UTS2: variants seen among roughly 807,000 people sequenced by gnomAD.
The protein encoded by UTS2 is urotensin 2, also known as urotensin-2.
A neutral mutation model predicts 12.6 loss-of-function variants in UTS2; 10 were observed. The ratio of observed to expected loss-of-function variants is 0.80; its 90% confidence interval spans 0.49 to 1.35. UTS2 has a LOEUF of 1.35. UTS2 is among the 40% of genes most tolerant of loss of function. UTS2 has a pLI of 0.00. For missense variants in UTS2, 142 were observed against 143.2 expected, an observed-to-expected ratio of 0.99 and a Z score of 0.04; for synonymous variants, 52 against 50.0, an observed-to-expected ratio of 1.04 and a Z score of -0.17.
chr1:7,893,872 CCACACCATCATTCA>C, the UTS2 span, among the ~76,000 whole-genome samples: 2 of 152,140 alleles, frequency 1.3e-5, no homozygotes, highest in Non-Finnish European at 2.9e-5. Context: ...AGGAAAAAAC[CCACACCATCATTCA>C]CTTTAATGCC....
chr1:7,875,058 T>C, the UTS2 span, among the ~76,000 whole-genome samples: 515 of 151,930 alleles, frequency 3.4e-3, 6 homozygotes, highest in African/African-American at 0.012. Context: ...TTTCTTTATT[T>C]TTTTTTTCTT....
At chr1:7,857,782 T>C (rs903308826), upstream of UTS2, among the ~76,000 whole-genome samples, 5 of 147,780 alleles carry the variant, frequency 3.4e-5, no homozygotes, top group Non-Finnish European at 7.4e-5. Flanking sequence ...CCTGGGAGGT[T>C]GAGGTTGCAG....
the UTS2 span, among the ~76,000 whole-genome samples, chr1:7,885,126 C>T: frequency 7.5e-6 from 1 of 133,304 alleles, no homozygotes; most frequent in Non-Finnish European, 1.6e-5. Flanking sequence ...CATCCACCCA[C>T]CTATCATCCA....
chr1:7,889,442 CAAAAAA>C, the UTS2 span, among the ~76,000 whole-genome samples: 2 of 85,402 alleles, frequency 2.3e-5, no homozygotes, highest in African/African-American at 4.4e-5. Context: ...ATCTTATCAC[CAAAAAA>C]AAAAAAAAAA....
the UTS2 span, among the ~76,000 whole-genome samples, chr1:7,910,385 C>T: frequency 6.6e-6 from 1 of 151,878 alleles, no homozygotes; most frequent in African/African-American, 2.4e-5. Flanking sequence ...GGTCCTGCCT[C>T]ACACCCAGAA....
the UTS2 span, among the ~76,000 whole-genome samples, chr1:7,864,044 G>A: frequency 1.3e-5 from 2 of 152,222 alleles, no homozygotes; most frequent in Admixed American, 6.5e-5. Context: ...GTGTCTCGAG[G>A]CACTTCCACC....
At chr1:7,898,677 C>T in the UTS2 span, among the ~76,000 whole-genome samples, 1 of 152,030 alleles carries the variant, frequency 6.6e-6, no homozygotes, top group Non-Finnish European at 1.5e-5. Context: ...CGGGGTTTCA[C>T]TGTGTTAGCC....
chr1:7,853,370 G>A (rs228648), upstream of UTS2: 882,946 of 1,613,688 alleles, frequency 0.55, 245,554 homozygotes, highest in Middle Eastern at 0.7. Context: ...GCAAAGAGAC[G>A]TGGATTTATG....
At chr1:7,853,270 CAGTG>C (rs770550544), upstream of UTS2, 4 of 1,612,712 alleles carry the variant, frequency 2.5e-6, no homozygotes, top group Non-Finnish European at 2.5e-6. Flanking sequence ...ATATAAAGAA[CAGTG>C]AGTTTATAAA....
the UTS2 span, among the ~76,000 whole-genome samples, chr1:7,882,914 A>T: frequency 6.6e-6 from 1 of 152,316 alleles, no homozygotes; most frequent in African/African-American, 2.4e-5. Flanking sequence ...AAAAAAATAA[A>T]TGCAGGTAAG....
the UTS2 span, among the ~76,000 whole-genome samples, chr1:7,875,067 TTTTTTC>T: frequency 2.0e-5 from 3 of 150,030 alleles, no homozygotes; most frequent in South Asian, 4.2e-4. Context: ...TTTTTTTTTC[TTTTTTC>T]TTTTTCTTTT....
At chr1:7,849,802 CA>C (rs1164644616) in intron 2 of UTS2, 119 bp from the exon 3 acceptor site, 24 of 853,300 alleles carry the variant, frequency 2.8e-5, no homozygotes, top group Non-Finnish European at 3.8e-5. Context: ...TTCCACACTG[CA>C]GCAAGCTTTT....
At chr1:7,904,363 G>A in the UTS2 span, among the ~76,000 whole-genome samples, 4 of 151,636 alleles carry the variant, frequency 2.6e-5, no homozygotes, top group African/African-American at 9.7e-5. Context: ...TGTAGTCTCA[G>A]CTATTTGGGA....
At chr1:7,868,097 T>C in the UTS2 span, among the ~76,000 whole-genome samples, 2 of 148,738 alleles carry the variant, frequency 1.3e-5, no homozygotes, top group African/African-American at 5.0e-5. Flanking sequence ...TTCTACATCC[T>C]GAACACGAAT....
chr1:7,849,581 G>C, intron 3 of UTS2, 59 bp downstream of exon 3: 1 of 1,451,118 alleles, frequency 6.9e-7, no homozygotes, highest in Non-Finnish European at 9.5e-7. Context: ...TCAGAGTCCT[G>C]TAAAACCAGT....
the UTS2 span, among the ~76,000 whole-genome samples, chr1:7,898,600 C>T: frequency 8.0e-3 from 1,212 of 152,134 alleles, 8 homozygotes; most frequent in Middle Eastern, 0.034. Flanking sequence ...CTCAGCCTCC[C>T]GAGTAGCTGA....
upstream of UTS2, chr1:7,853,497 A>G: frequency 6.4e-7 from 1 of 1,554,394 alleles, no homozygotes; most frequent in Non-Finnish European, 8.7e-7. Flanking sequence ...ATCCCTGAAG[A>G]ATGACAATCT....
rs754978437 is a variant in UTS2 at position 7,850,924 on chromosome 1, TACAGAGTAAAA to T, written c.104-13_104-3del. 6.2e-7 allele frequency: 1 copy of T among 1,614,062 alleles called. No individual in the cohort carries two copies. The highest frequency in any genetic ancestry group is 8.5e-7 in the Non-Finnish European group (1 of 1,179,980). On this transcript the variant is annotated splice_region_variant and splice_polypyrimidine_tract_variant and intron_variant, in intron 1 of 3. Coordinates refer to ENST00000361696, the MANE Select transcript of UTS2 (RefSeq NM_006786.4). ...TTAAGCGCGCGTCTTCATGAGGTGCTACAGAGTAAAAACAGATACTTAGAATTGGGTTCATC... is the reference window on the plus strand; with the variant it reads ...TTAAGCGCGCGTCTTCATGAGGTGCTACAGATACTTAGAATTGGGTTCATC...
the UTS2 span, among the ~76,000 whole-genome samples, chr1:7,878,430 T>C: frequency 6.6e-6 from 1 of 152,178 alleles, no homozygotes; most frequent in African/African-American, 2.4e-5. Flanking sequence ...ACTGTAATGA[T>C]AAGCAGTAAG....
Sources: allele counts gnomAD v4.1 joint callset (sites outside exome capture counted in the v4.1 genomes callset), GRCh38; gene constraint gnomAD v4.1.1; transcripts MANE v1.5; gene names NCBI Gene and HGNC (gene_info 2026-07-23, HGNC 2026-07-21).